DIP2C: variants seen among roughly 807,000 people sequenced by gnomAD.
DIP2C encodes the protein disco-interacting protein 2 homolog C.
In DIP2C, 33 loss-of-function variants were observed where a neutral mutation model predicts 192.4. The ratio of observed to expected loss-of-function variants is 0.17; its 90% CI spans 0.13 to 0.23. The LOEUF (loss-of-function observed/expected upper bound fraction) is 0.23, where lower values mean the gene tolerates loss of function less well. Among genes scored for constraint, DIP2C ranks in the 10% least tolerant of loss-of-function variants. The pLI is 1.00. For missense variants in DIP2C, 1,537 were observed against 2,110.1 expected (o/e 0.73, Z 5.32); for synonymous variants, 979 against 864.1 (o/e 1.13, Z -2.33).
intron 1 of DIP2C, among the ~76,000 whole-genome samples, chr10:551,448 C>A (rs762284016): frequency 3.3e-5 from 5 of 152,208 alleles, no homozygotes; most frequent in African/African-American, 4.8e-5. Context: ...CTTCTCCTGG[C>A]CCCCGAGGCC....
At chr10:543,659 G>T (rs1431737409) in intron 1 of DIP2C, among the ~76,000 whole-genome samples, 1 of 152,184 alleles carries the variant, frequency 6.6e-6, no homozygotes, top group Non-Finnish European at 1.5e-5. Context: ...ACTCTCTGGG[G>T]ACATGAGTTA....
chr10:635,613 T>G (rs1296043166), intron 1 of DIP2C, among the ~76,000 whole-genome samples: 1 of 152,204 alleles, frequency 6.6e-6, no homozygotes, highest in African/African-American at 2.4e-5. Context: ...GCAGCTGGTA[T>G]GACACAGCAG....
At chr10:541,060 CAACACCCGATG>C (rs1847958283) in intron 1 of DIP2C, among the ~76,000 whole-genome samples, 1 of 132,038 alleles carries the variant, frequency 7.6e-6, no homozygotes, top group African/African-American at 3.2e-5. Flanking sequence ...TGGGGAGCCA[CAACACCCGATG>C]CTGGGGAGCC....
chr10:364,794 C>T (rs1482703381), intron 19 of DIP2C, among the ~76,000 whole-genome samples: 1 of 152,190 alleles, frequency 6.6e-6, no homozygotes, highest in Admixed American at 6.5e-5. Context: ...GGACCCCATC[C>T]GTTCCTGCAC....
chr10:524,905 G>C (rs192630015), intron 1 of DIP2C, among the ~76,000 whole-genome samples: 5 of 143,612 alleles, frequency 3.5e-5, no homozygotes, highest in Non-Finnish European at 5.9e-5. Context: ...TGCCCGTGCA[G>C]ATGTTTCCAA....
At chr10:407,114 G>A (rs573067687) in intron 9 of DIP2C, among the ~76,000 whole-genome samples, 1 of 152,204 alleles carries the variant, frequency 6.6e-6, no homozygotes, top group Non-Finnish European at 1.5e-5. Flanking sequence ...CGCACAGCCA[G>A]CTCTGCGTGA....
intron 1 of DIP2C, among the ~76,000 whole-genome samples, chr10:672,608 A>C (rs1322359620): frequency 6.6e-6 from 1 of 152,210 alleles, no homozygotes; most frequent in Non-Finnish European, 1.5e-5. Flanking sequence ...AAAAGAACTA[A>C]AGATTGGCTG....
In DIP2C at chr10:357,763, C is replaced by G. The variant is rs1222457260; in HGVS notation, c.2904+65G>C. The G allele has an allele frequency of 3.9e-6, 5 of 1,276,434 alleles. No homozygotes were observed. In the African/African-American group the frequency reaches 4.4e-5, roughly 11 times the overall value. The allele number at this position is 1,276,434 out of a possible 1,614,324, so 79.1% of individuals were successfully genotyped here. ...AGTCGGGTACTGTCGGGGATGGTCGCAGATGGTCGGGGACAGTCGGAAAAG... is the reference window on the plus strand; with the variant it reads ...AGTCGGGTACTGTCGGGGATGGTCGGAGATGGTCGGGGACAGTCGGAAAAG... On this transcript the variant is annotated intron_variant, in intron 23 of 36. Coordinates refer to ENST00000280886, the MANE Select transcript of DIP2C (RefSeq NM_014974.3).
Position 349,542 on chromosome 10 carries a change from C to G in DIP2C, c.2986-88G>C, listed in dbSNP as rs544057772. The G allele has an allele frequency of 3.3e-6, 5 of 1,505,812 alleles. No individual in the cohort carries two copies. In the Admixed American group the frequency reaches 7.3e-5, roughly 22 times the overall value. The allele number at this position is 1,505,812 out of a possible 1,614,324, so 93.3% of individuals were successfully genotyped here. A position where few individuals can be genotyped will look rare whatever the true frequency, so the allele number is the denominator to read the frequency against. On this transcript the variant is annotated intron_variant, in intron 24 of 36. Transcript: ENST00000280886. ...GCGCACGCGTCATACAACTCACTGG[C>G]GCAAAGCATACATCACTGGTTTTTA...
intron 15 of DIP2C, 125 bp from the exon 16 acceptor site, chr10:384,271 C>CTTT (rs35461394): frequency 6.9e-4 from 208 of 301,760 alleles, no homozygotes; most frequent in South Asian, 1.8e-3. Flanking sequence ...CCCCACAAAC[C>CTTT]TTTTTTTTTT....
chr10:486,361 G>T, intron 2 of DIP2C, 98 bp downstream of exon 2: 1 of 1,205,574 alleles, frequency 8.3e-7, no homozygotes, highest in Non-Finnish European at 1.1e-6. Flanking sequence ...TCCTCCTGCC[G>T]ACTGGGAAGC....
At chr10:480,094 G>A (rs944350127) in intron 2 of DIP2C, among the ~76,000 whole-genome samples, 12 of 148,144 alleles carry the variant, frequency 8.1e-5, no homozygotes, top group East Asian at 6.1e-4. Context: ...CCTGAGCTCC[G>A]GTCCACGCTC....
intron 1 of DIP2C, among the ~76,000 whole-genome samples, chr10:624,988 C>T (rs994481227): frequency 1.3e-5 from 2 of 152,218 alleles, no homozygotes; most frequent in Non-Finnish European, 2.9e-5. Context: ...GCCGGCGGCG[C>T]AACCTTGGCT....
chr10:369,916 G>A (rs1292427418), intron 17 of DIP2C: 1 of 1,322,758 alleles, frequency 7.6e-7, no homozygotes. Context: ...TGCAGGCCCT[G>A]CACAGACCAG....
At chr10:426,101 T>C (rs1966580430) in intron 4 of DIP2C, among the ~76,000 whole-genome samples, 5 of 152,168 alleles carry the variant, frequency 3.3e-5, no homozygotes, top group Admixed American at 6.5e-5. Flanking sequence ...TGACATGACC[T>C]TGGATGTAGA....
intron 1 of DIP2C, among the ~76,000 whole-genome samples, chr10:548,915 A>AAAAAAG (rs1848449870): frequency 8.6e-6 from 1 of 115,976 alleles, no homozygotes; most frequent in Non-Finnish European, 1.8e-5. Flanking sequence ...AGCTCACAAA[A>AAAAAAG]AAAAAAAAAA....
At chr10:480,629 C>G (rs1843533708) in intron 2 of DIP2C, among the ~76,000 whole-genome samples, 1 of 152,246 alleles carries the variant, frequency 6.6e-6, no homozygotes, top group Non-Finnish European at 1.5e-5. Flanking sequence ...GCTACCCTCC[C>G]CACTGGAGAC....
intron 1 of DIP2C, among the ~76,000 whole-genome samples, chr10:487,586 T>G (rs968194660): frequency 3.6e-5 from 5 of 138,956 alleles, no homozygotes; most frequent in Non-Finnish European, 6.2e-5. Context: ...TTTTTTTTTT[T>G]TTTTTTTTTT....
At chr10:579,521 C>T (rs1006455210) in intron 1 of DIP2C, among the ~76,000 whole-genome samples, 2 of 151,808 alleles carry the variant, frequency 1.3e-5, no homozygotes, top group African/African-American at 4.8e-5. Flanking sequence ...ATGCAGAGAG[C>T]ATACACACAT....
Sources: allele counts gnomAD v4.1 joint callset (sites outside exome capture counted in the v4.1 genomes callset), GRCh38; gene constraint gnomAD v4.1.1; transcripts MANE v1.5; gene names NCBI Gene and HGNC (gene_info 2026-07-23, HGNC 2026-07-21).